Variants in EPS8 observed in about 807,000 individuals in gnomAD.
EPS8 encodes epidermal growth factor receptor kinase substrate 8.
A neutral mutation model predicts 103.8 loss-of-function variants in EPS8; 42 were observed. The ratio of observed to expected loss-of-function variants is 0.40; its 90% confidence interval spans 0.32 to 0.52. The LOEUF (loss-of-function observed/expected upper bound fraction) is 0.52. Ranked by LOEUF, EPS8 falls within the 20% of genes least tolerant of loss-of-function variation. The pLI, the probability that EPS8 is intolerant of heterozygous loss-of-function variation, is 0.40. For missense variants in EPS8, 969 were observed against 1,005.1 expected (o/e 0.96, Z 0.49); for synonymous variants, 344 against 344.6 (o/e 1.00, Z 0.02).
intron 6 of EPS8, 57 bp downstream of exon 6, chr12:15,669,330 C>A: frequency 6.7e-7 from 1 of 1,502,424 alleles, no homozygotes; most frequent in African/African-American, 1.4e-5. Flanking sequence ...ATAGGTAATT[C>A]AAAAGCTCCC....
intron 1 of EPS8, among the ~76,000 whole-genome samples, chr12:15,703,695 A>G (rs1946342311): frequency 6.6e-6 from 1 of 151,234 alleles, no homozygotes; most frequent in South Asian, 2.1e-4. Flanking sequence ...CTAATGTTTA[A>G]GAAAATAACT....
intron 1 of EPS8, among the ~76,000 whole-genome samples, chr12:15,719,202 C>CAT (rs372207428): frequency 0.028 from 4,146 of 149,860 alleles, 83 homozygotes; most frequent in African/African-American, 0.053. Flanking sequence ...TATAAACATA[C>CAT]ATATATATAT....
chr12:15,626,352 C>T (rs1348515725), intron 18 of EPS8, among the ~76,000 whole-genome samples: 3 of 152,062 alleles, frequency 2.0e-5, no homozygotes, highest in African/African-American at 7.2e-5. Context: ...AAATGTAAGT[C>T]AGGCTAGGTG....
At position 15,624,360 on chromosome 12, in the gene EPS8, G is replaced by C; in HGVS notation, c.2092C>G (p.Leu698Val). The C allele has an allele frequency of 6.3e-7, 1 of 1,599,200 alleles. No individual in the cohort carries two copies. Among genetic ancestry groups the C allele is most frequent in the Non-Finnish European group, 8.5e-7 (1 of 1,169,806 alleles). Residue 698 changes from leucine (L) to valine (V), a missense_variant, in exon 19 of 21, where the codon CTG becomes GTG. Transcript: ENST00000281172. ...EEVQDELIHRLTIGRSAAQKK... is the reference protein window; with the variant it reads ...EEVQDELIHRVTIGRSAAQKK... ...TGAGCGGCACTCCGACCAATGGTCAGTCTGTGGATGAGTTCATCTTGCACT... is the reference window on the plus strand; with the variant it reads ...TGAGCGGCACTCCGACCAATGGTCACTCTGTGGATGAGTTCATCTTGCACT...
chr12:15,687,188 C>A (rs74967507), intron 1 of EPS8, among the ~76,000 whole-genome samples: 2,447 of 152,148 alleles, frequency 0.016, 35 homozygotes, highest in South Asian at 0.027. Flanking sequence ...TCTTCTAGAG[C>A]AATCACGTTT....
In EPS8 at chr12:15,684,030, C is replaced by G. The variant is rs1482715191; in HGVS notation, c.-21-1058G>C. On this transcript the variant is annotated intron_variant, in intron 1 of 20. Transcript: ENST00000281172. The surrounding 1 kb of genome is among the most constrained non-coding windows in gnomAD (Gnocchi z 4.9). ...ATTGGGACCACCAAAGTGAACCAAA[C>G]AGACATGGTCCCAACTATAGGGCCA... 1 of 152,150 alleles carries G rather than the reference C, an allele frequency of 6.6e-6. No homozygotes were observed. The highest frequency in any genetic ancestry group is 2.4e-5 in the African/African-American group (1 of 41,426). 9.4% of individuals were successfully genotyped at this position (152,150 alleles called of 1,614,324 possible).
Position 15,697,354 on chromosome 12 carries a change from G to T in EPS8, c.-21-14382C>A, listed in dbSNP as rs1946256631. Among the ~76,000 whole-genome samples, 1 of 152,208 alleles carries T rather than the reference G, an allele frequency of 6.6e-6. No individual in the cohort carries two copies. The highest frequency in any genetic ancestry group is 1.5e-5 in the Non-Finnish European group (1 of 68,040). On this transcript the variant is annotated intron_variant, in intron 1 of 20. Transcript: ENST00000281172. The surrounding 1 kb of genome is among the most constrained non-coding windows in gnomAD (Gnocchi z 5.6). Reference sequence around the variant, plus strand: ...AAGGAAAACTAAACTATTACAAACTGCCAATAGCAGTGACAGCAGGAAGAG... The same window carrying T: ...AAGGAAAACTAAACTATTACAAACTTCCAATAGCAGTGACAGCAGGAAGAG...
chr12:15,665,476 G>A (rs1294390399), intron 8 of EPS8: 10 of 347,396 alleles, frequency 2.9e-5, no homozygotes, highest in East Asian at 8.6e-5. Flanking sequence ...GATTATAGGC[G>A]CATGCCACCA....
chr12:15,699,934 T>A (rs1296107129), intron 1 of EPS8, among the ~76,000 whole-genome samples: 1 of 152,156 alleles, frequency 6.6e-6, no homozygotes, highest in African/African-American at 2.4e-5. Flanking sequence ...AGTGGGCAGA[T>A]CATGAGGTCA....
At position 15,696,323 on chromosome 12, in the gene EPS8, A is replaced by G. The variant is rs536037228; in HGVS notation, c.-21-13351T>C. On this transcript the variant is annotated intron_variant, in intron 1 of 20. Transcript: ENST00000281172. The surrounding 1 kb of genome is among the most constrained non-coding windows in gnomAD (Gnocchi z 4.8). ...AAAACAGTAAAATCTATAAAACACT[A>G]ACTTTAGAGACTTTCCAAGTTTAAG... 3.5e-4 allele frequency among the ~76,000 whole-genome samples: 53 copies of G among 152,276 alleles called. No individual in the cohort carries two copies. The highest frequency in any genetic ancestry group is 1.3e-3 in the African/African-American group (53 of 41,554).
intron 18 of EPS8, among the ~76,000 whole-genome samples, chr12:15,626,418 C>G (rs751667197): frequency 1.3e-5 from 2 of 152,022 alleles, no homozygotes; most frequent in South Asian, 4.1e-4. Flanking sequence ...ATCACAAGGT[C>G]AAGAAATCGA....
In EPS8 at chr12:15,721,784, A is replaced by G. The variant is rs1394525793; in HGVS notation, c.-21-38812T>C. 6.6e-6 allele frequency among the ~76,000 whole-genome samples: 1 copy of G among 151,934 alleles called. No individual in the cohort carries two copies. Among genetic ancestry groups the G allele is most frequent in the Non-Finnish European group, 1.5e-5 (1 of 67,978 alleles). On this transcript the variant is annotated intron_variant, in intron 1 of 20. Coordinates refer to ENST00000281172, the MANE Select transcript of EPS8 (RefSeq NM_004447.6). The surrounding 1 kb of genome is among the most constrained non-coding windows in gnomAD (Gnocchi z 4.4). ...TTTCTAGTGTTTCATTCAGCACCAA[A>G]TATCAGACTTTTTAAAATTTTTATT...
chr12:15,663,944 A>AAAAAAAAAAAATAAT (rs1555112203), intron 8 of EPS8, among the ~76,000 whole-genome samples: 1 of 85,976 alleles, frequency 1.2e-5, no homozygotes, highest in African/African-American at 4.5e-5. Context: ...AAAAAAAAAA[A>AAAAAAAAAAAATAAT]AATAATATAT....
rs10637427 is a variant in EPS8 at position 15,780,481 on chromosome 12, A to AACACACACACACACACACACACAC, written c.-22+8656_-22+8679dup. 17 of 117,548 alleles carry AACACACACACACACACACACACAC rather than the reference A, an allele frequency of 1.4e-4. No homozygotes were observed. The highest frequency in any genetic ancestry group is 7.9e-4 in the East Asian group (3 of 3,774). The allele number at this position is 117,548 out of a possible 1,614,324, so 7.3% of individuals were successfully genotyped here. A position where few individuals can be genotyped will look rare whatever the true frequency, so the allele number is the denominator to read the frequency against. On this transcript the variant is annotated intron_variant, in intron 1 of 20. Coordinates refer to ENST00000281172, the MANE Select transcript of EPS8 (RefSeq NM_004447.6). The surrounding 1 kb of genome is among the most constrained non-coding windows in gnomAD (Gnocchi z 4.1). ...CTCCTTTCTGCTATGTGCTGGGATA[A>AACACACACACACACACACACACAC]ACACACACACACACACACACACACA...
intron 1 of EPS8, among the ~76,000 whole-genome samples, chr12:15,689,715 T>C (rs577546571): frequency 3.0e-4 from 45 of 152,344 alleles, no homozygotes; most frequent in African/African-American, 9.6e-4. Context: ...CACTGTGCTG[T>C]GCAATTGGTC....
chr12:15,730,560 AC>A (rs948377272), intron 1 of EPS8, among the ~76,000 whole-genome samples: 22 of 152,190 alleles, frequency 1.4e-4, no homozygotes, highest in African/African-American at 5.3e-4. Context: ...CAGCTTAAAA[AC>A]GATGGGACTT....
rs11056600 is a variant in EPS8 at position 15,716,032 on chromosome 12, A to T, written c.-21-33060T>A. ...CAGTATTAAAAGTAGCAAGAAGAAA[A>T]CCCTTCAAAACGAAGAATATAATCA... On this transcript the variant is annotated intron_variant, in intron 1 of 20. Coordinates refer to ENST00000281172, the MANE Select transcript of EPS8 (RefSeq NM_004447.6). The surrounding 1 kb of genome is among the most constrained non-coding windows in gnomAD (Gnocchi z 5.0). Among the ~76,000 whole-genome samples the T allele has an allele frequency of 1.3e-5, 2 of 152,152 alleles. No homozygotes were observed. The highest frequency in any genetic ancestry group is 2.9e-5 in the Non-Finnish European group (2 of 68,034).
chr12:15,644,008 C>T (rs1003498583), intron 15 of EPS8, among the ~76,000 whole-genome samples: 1 of 152,196 alleles, frequency 6.6e-6, no homozygotes, highest in Non-Finnish European at 1.5e-5. Flanking sequence ...GAATATACTT[C>T]GTATGGCATT....
intron 15 of EPS8, among the ~76,000 whole-genome samples, chr12:15,642,982 T>C (rs1945258275): frequency 6.6e-6 from 1 of 152,048 alleles, no homozygotes; most frequent in Non-Finnish European, 1.5e-5. Context: ...AAAAAGAAAA[T>C]TGGTGGAAAA....
Sources: gnomAD v4.1 joint callset for allele counts (sites outside exome capture counted in the v4.1 genomes callset) on GRCh38, gnomAD v4.1.1 for gene constraint, Gnocchi (gnomAD v3.1) non-coding constraint, MANE v1.5 for transcripts, NCBI Gene and HGNC (gene_info 2026-07-23, HGNC 2026-07-21) for gene names.